Variants in PTPRD observed in about 807,000 individuals in gnomAD.
PTPRD encodes the protein protein tyrosine phosphatase receptor type D.
In PTPRD, 34 loss-of-function variants were observed where a neutral mutation model predicts 214.5. The ratio of observed to expected loss-of-function variants is 0.16; its 90% CI spans 0.12 to 0.21. The LOEUF (loss-of-function observed/expected upper bound fraction) is 0.21, where lower values mean the gene tolerates loss of function less well. Among genes scored for constraint, PTPRD ranks in the 10% least tolerant of loss-of-function variants. PTPRD has a pLI of 1.00. For synonymous variants in PTPRD, 1,128 were observed against 845.7 expected (o/e 1.33, Z -5.79); for missense variants, 2,545 against 2,398.7 (o/e 1.06, Z -1.27).
chr9:8,534,326 T>C (rs2076402520), intron 14 of PTPRD, among the ~76,000 whole-genome samples: 1 of 151,880 alleles, frequency 6.6e-6, no homozygotes, highest in Admixed American at 6.6e-5. Flanking sequence ...TTATTCTATC[T>C]ATAGAATAAC....
intron 11 of PTPRD, among the ~76,000 whole-genome samples, chr9:8,826,263 C>A (rs2097173193): frequency 6.6e-6 from 1 of 152,016 alleles, no homozygotes; most frequent in Non-Finnish European, 1.5e-5. Context: ...ACTCTTGTTA[C>A]CTCCCAATCT....
chr9:9,643,226 A>AT (rs2096028247), intron 7 of PTPRD, among the ~76,000 whole-genome samples: 1 of 152,136 alleles, frequency 6.6e-6, no homozygotes. Context: ...AAGTCTGGAG[A>AT]TTTTTATACA....
chr9:10,133,575 T>G (rs2098918763), intron 3 of PTPRD, among the ~76,000 whole-genome samples: 1 of 152,140 alleles, frequency 6.6e-6, no homozygotes, highest in South Asian at 2.1e-4. Flanking sequence ...TGTAAACTAA[T>G]ATATAATGTA....
At chr9:8,916,906 G>C (rs528591337) in intron 11 of PTPRD, among the ~76,000 whole-genome samples, 13 of 152,228 alleles carry the variant, frequency 8.5e-5, no homozygotes, top group African/African-American at 3.1e-4. Context: ...AAAACCTCCT[G>C]TGGTATCAAA....
At chr9:10,436,134 T>C (rs1566020007) in intron 2 of PTPRD, among the ~76,000 whole-genome samples, 1 of 151,870 alleles carries the variant, frequency 6.6e-6, no homozygotes, top group African/African-American at 2.4e-5. Flanking sequence ...ACTGCTCTTT[T>C]AGAACACATT....
At position 10,059,081 on chromosome 9, in the gene PTPRD, G is replaced by A. The variant is rs1361086694; in HGVS notation, c.-544-25291C>T. On this transcript the variant is annotated intron_variant, in intron 3 of 45. Coordinates refer to ENST00000381196, the MANE Select transcript of PTPRD (RefSeq NM_002839.4). The stretch of plus-strand genomic sequence containing the variant: ...AAATTCCATGAAAGTGGATCAGTGA[G>A]AATGTGTAGAGGCAACTACTTCAGT... Among the ~76,000 whole-genome samples the A allele has an allele frequency of 2.0e-5, 3 of 152,106 alleles. No homozygotes were observed. The East Asian group carries it at 5.8e-4, about 29-fold the overall frequency.
intron 2 of PTPRD, among the ~76,000 whole-genome samples, chr9:10,504,916 G>C (rs1359326430): frequency 6.6e-6 from 1 of 152,108 alleles, no homozygotes; most frequent in Non-Finnish European, 1.5e-5. Context: ...GAAAGGGGTT[G>C]CTGAGTGTCT....
At chr9:8,807,351 C>T (rs1294528998) in intron 11 of PTPRD, among the ~76,000 whole-genome samples, 1 of 152,038 alleles carries the variant, frequency 6.6e-6, no homozygotes, top group Non-Finnish European at 1.5e-5. Flanking sequence ...ACAACAACAA[C>T]AAAGTTAGAA....
At chr9:9,586,537 T>A (rs73641323) in intron 7 of PTPRD, among the ~76,000 whole-genome samples, 4,448 of 152,082 alleles carry the variant, frequency 0.029, 107 homozygotes, top group African/African-American at 0.066. Flanking sequence ...TATATTCAGG[T>A]TAATTTAGTT....
intron 2 of PTPRD, among the ~76,000 whole-genome samples, chr9:10,472,533 T>C (rs1434360534): frequency 6.6e-6 from 1 of 152,048 alleles, no homozygotes; most frequent in Non-Finnish European, 1.5e-5. Flanking sequence ...CAGTGAAGTA[T>C]AGAATCACAG....
rs571287230 is a variant in PTPRD, at chr9:9,473,901, T to A, written c.-236-76419A>T. 6.6e-5 allele frequency among the ~76,000 whole-genome samples: 10 copies of A among 152,024 alleles called. No individual in the cohort carries two copies. In the East Asian group the frequency reaches 1.9e-3, roughly 29 times the overall value. ...TTTGTCAGATGGGTAGTTTGCAATA[T>A]TTTCTCTTAACCTACAGGTTTTCTC... On this transcript the variant is annotated intron_variant, in intron 8 of 45. Transcript: ENST00000381196.
At chr9:10,575,688 C>T (rs2069054107) in intron 2 of PTPRD, among the ~76,000 whole-genome samples, 2 of 152,056 alleles carry the variant, frequency 1.3e-5, no homozygotes, top group African/African-American at 4.8e-5. Flanking sequence ...TAAGTGAACT[C>T]TCTAGGTCAT....
chr9:9,918,515 A>T (rs562223600), intron 5 of PTPRD, among the ~76,000 whole-genome samples: 1 of 152,210 alleles, frequency 6.6e-6, no homozygotes, highest in Admixed American at 6.5e-5. Context: ...TCTCTATCAA[A>T]ATGTCAAGGA....
At chr9:9,251,167 G>C (rs540791431) in intron 9 of PTPRD, among the ~76,000 whole-genome samples, 11 of 151,968 alleles carry the variant, frequency 7.2e-5, no homozygotes, top group African/African-American at 1.2e-4. Context: ...ATCTAGTGCG[G>C]GCATTGCCAG....
chr9:9,962,763 A>G (rs912527364), intron 4 of PTPRD, among the ~76,000 whole-genome samples: 1 of 152,082 alleles, frequency 6.6e-6, no homozygotes, highest in Non-Finnish European at 1.5e-5. Context: ...CTACACATTC[A>G]ATAAGTTTCA....
chr9:8,860,295 C>T (rs755251742), intron 11 of PTPRD: 2 of 152,178 alleles, frequency 1.3e-5, no homozygotes, highest in Non-Finnish European at 2.9e-5. Context: ...TCATCTTACA[C>T]CACTGGTAGT....
At chr9:8,802,480 A>G (rs977634117) in intron 11 of PTPRD, among the ~76,000 whole-genome samples, 4 of 152,180 alleles carry the variant, frequency 2.6e-5, no homozygotes, top group Non-Finnish European at 4.4e-5. Flanking sequence ...AGGAATCACA[A>G]AAGAAAGTGA....
intron 9 of PTPRD, among the ~76,000 whole-genome samples, chr9:9,328,795 T>C (rs990070228): frequency 3.3e-5 from 5 of 150,974 alleles, no homozygotes; most frequent in African/African-American, 1.2e-4. Context: ...TACCACCACA[T>C]CCAGCTATTT....
intron 2 of PTPRD, among the ~76,000 whole-genome samples, chr9:10,378,357 C>T (rs906223645): frequency 5.9e-5 from 9 of 151,912 alleles, no homozygotes; most frequent in Non-Finnish European, 1.3e-4. Context: ...GTTATCTGGG[C>T]TTGTAGGGTA....
Sources: allele counts gnomAD v4.1 joint callset (sites outside exome capture counted in the v4.1 genomes callset), GRCh38; gene constraint gnomAD v4.1.1; transcripts MANE v1.5; gene names NCBI Gene and HGNC (gene_info 2026-07-23, HGNC 2026-07-21).